Variants in PPFIA2 observed in about 807,000 individuals in gnomAD.
PPFIA2 encodes the protein liprin-alpha-2.
PPFIA2 carries 46 observed loss-of-function variants against 175.5 expected under a neutral mutation model. The observed-to-expected ratio is 0.26, with a 90% CI of 0.21 to 0.34. The LOEUF is 0.34. Among genes scored for constraint, PPFIA2 ranks in the 10% least tolerant of loss-of-function variants. The pLI is 1.00. For missense variants in PPFIA2, 1,179 were observed against 1,506.1 expected (o/e 0.78, Z 3.60); for synonymous variants, 568 against 511.4 (o/e 1.11, Z -1.49).
intron 7 of PPFIA2, among the ~76,000 whole-genome samples, chr12:81,435,658 T>C (rs1298826182): frequency 6.6e-6 from 1 of 152,152 alleles, no homozygotes; most frequent in Non-Finnish European, 1.5e-5. Flanking sequence ...ATTAAAATCA[T>C]ATAATGATGA....
chr12:81,625,548 G>A (rs1021754224), intron 4 of PPFIA2, among the ~76,000 whole-genome samples: 5 of 151,728 alleles, frequency 3.3e-5, no homozygotes, highest in African/African-American at 9.7e-5. Context: ...GATACATTGT[G>A]TAGTATCTAT....
chr12:81,365,718 G>A (rs1445843777), intron 14 of PPFIA2, among the ~76,000 whole-genome samples: 1 of 151,704 alleles, frequency 6.6e-6, no homozygotes, highest in East Asian at 1.9e-4. Flanking sequence ...TCTTTAAGAG[G>A]CTACTAAAAA....
At chr12:81,396,282 G>A (rs1011512756) in intron 8 of PPFIA2, among the ~76,000 whole-genome samples, 8 of 152,110 alleles carry the variant, frequency 5.3e-5, no homozygotes, top group African/African-American at 1.7e-4. Context: ...TAACTTTTAT[G>A]GAGGTTATTA....
intron 4 of PPFIA2, among the ~76,000 whole-genome samples, chr12:81,657,599 G>T (rs1485290528): frequency 6.6e-6 from 1 of 152,068 alleles, no homozygotes; most frequent in Non-Finnish European, 1.5e-5. Context: ...CCTAGAAAAA[G>T]TAAATAATTT....
chr12:81,731,676 G>C lies in PPFIA2; in HGVS notation c.249+22297C>G, dbSNP rs370625827. Among the ~76,000 whole-genome samples the C allele has an allele frequency of 5.9e-5, 9 of 151,728 alleles. No individual in the cohort carries two copies. In the East Asian group the frequency reaches 1.4e-3, roughly 23 times the overall value. On this transcript the variant is annotated intron_variant, in intron 3 of 32. Coordinates refer to ENST00000549396, the MANE Select transcript of PPFIA2 (RefSeq NM_003625.5). Reference sequence around the variant, plus strand: ...GAGTGCTGGTTAATGTGAGGGTTCAGAAAACAGACAACCTTGGGTAGAATT... The same window carrying C: ...GAGTGCTGGTTAATGTGAGGGTTCACAAAACAGACAACCTTGGGTAGAATT...
intron 7 of PPFIA2, among the ~76,000 whole-genome samples, chr12:81,438,319 T>G (rs1566830251): frequency 6.6e-6 from 1 of 151,930 alleles, no homozygotes; most frequent in Non-Finnish European, 1.5e-5. Context: ...AATACAAAAA[T>G]TAGCCAGGGG....
At chr12:81,357,615 T>C (rs1225470320) in intron 16 of PPFIA2, among the ~76,000 whole-genome samples, 1 of 152,194 alleles carries the variant, frequency 6.6e-6, no homozygotes, top group African/African-American at 2.4e-5. Context: ...AATACCAATT[T>C]TAATTAAGTT....
At chr12:81,538,890 A>C (rs2065800277) in intron 4 of PPFIA2, among the ~76,000 whole-genome samples, 1 of 151,892 alleles carries the variant, frequency 6.6e-6, no homozygotes, top group South Asian at 2.1e-4. Context: ...TTTTAGCATC[A>C]CTTTGGCTGC....
At chr12:81,656,251 T>C (rs919110947) in intron 4 of PPFIA2, among the ~76,000 whole-genome samples, 1 of 152,142 alleles carries the variant, frequency 6.6e-6, no homozygotes, top group African/African-American at 2.4e-5. Context: ...AAAAACATTC[T>C]TGAATTTTAT....
intron 3 of PPFIA2, among the ~76,000 whole-genome samples, chr12:81,693,497 G>C (rs1322509308): frequency 1.3e-5 from 2 of 152,120 alleles, no homozygotes; most frequent in African/African-American, 2.4e-5. Context: ...AAGCCAAGCA[G>C]ATGCCCACAC....
chr12:81,426,621 A>T (rs2047180206), intron 7 of PPFIA2, among the ~76,000 whole-genome samples: 1 of 152,188 alleles, frequency 6.6e-6, no homozygotes, highest in Non-Finnish European at 1.5e-5. Flanking sequence ...TCAATTATCA[A>T]TTAAAAAATT....
chr12:81,551,635 C>G (rs1567294261), intron 4 of PPFIA2, among the ~76,000 whole-genome samples: 1 of 151,832 alleles, frequency 6.6e-6, no homozygotes, highest in Admixed American at 6.6e-5. Flanking sequence ...CCATGGATAG[C>G]AAAGGACAAC....
At chr12:81,456,243 T>A (rs966962189) in intron 5 of PPFIA2, among the ~76,000 whole-genome samples, 7 of 152,146 alleles carry the variant, frequency 4.6e-5, no homozygotes, top group Admixed American at 2.0e-4. Flanking sequence ...GTAGGAAATA[T>A]ATAGAGAGGA....
chr12:81,669,922 C>A (rs554142305), intron 4 of PPFIA2, among the ~76,000 whole-genome samples: 1 of 152,096 alleles, frequency 6.6e-6, no homozygotes, highest in South Asian at 2.1e-4. Context: ...TTCATAAAAC[C>A]TGTCCTTGGT....
chr12:81,406,778 T>A (rs925937641), intron 7 of PPFIA2, among the ~76,000 whole-genome samples: 1 of 152,154 alleles, frequency 6.6e-6, no homozygotes, highest in Non-Finnish European at 1.5e-5. Context: ...TAGTCAATAT[T>A]AGTTCTGGGA....
chr12:81,692,181 T>C (rs1002537079), intron 3 of PPFIA2, among the ~76,000 whole-genome samples: 2 of 151,396 alleles, frequency 1.3e-5, no homozygotes, highest in African/African-American at 2.4e-5. Context: ...TATGGGAAGA[T>C]CAAGGTAGCA....
intron 4 of PPFIA2, among the ~76,000 whole-genome samples, chr12:81,559,757 A>G (rs771236325): frequency 1.1e-4 from 16 of 151,174 alleles, no homozygotes; most frequent in Non-Finnish European, 2.1e-4. Context: ...GTGATTTTAC[A>G]TTTCATTTAT....
chr12:81,467,017 C>T (rs1000964145), intron 4 of PPFIA2, among the ~76,000 whole-genome samples: 2 of 150,518 alleles, frequency 1.3e-5, no homozygotes, highest in Non-Finnish European at 3.0e-5. Flanking sequence ...TTCACCTACC[C>T]AAGGCTCATT....
intron 7 of PPFIA2, among the ~76,000 whole-genome samples, chr12:81,438,488 C>CAAAAA (rs1271684691): frequency 6.6e-6 from 1 of 151,894 alleles, no homozygotes; most frequent in East Asian, 1.9e-4. Flanking sequence ...AAAAACAAAA[C>CAAAAA]AAAACAAAAC....
Sources: gnomAD v4.1 joint callset for allele counts (sites outside exome capture counted in the v4.1 genomes callset) on GRCh38, gnomAD v4.1.1 for gene constraint, MANE v1.5 for transcripts, NCBI Gene and HGNC (gene_info 2026-07-23, HGNC 2026-07-21) for gene names.